Variants in TOP1MT observed in about 807,000 individuals in gnomAD.
TOP1MT encodes DNA topoisomerase I mitochondrial, also known as DNA topoisomerase I, mitochondrial.
A neutral mutation model predicts 73.9 loss-of-function variants in TOP1MT; 80 were observed. That is an observed-to-expected ratio of 1.08 (90% CI 0.90 to 1.30). TOP1MT has a LOEUF of 1.30. Among genes scored for constraint, TOP1MT ranks in the 50% most tolerant of loss-of-function variants. The pLI is 0.00. For synonymous variants in TOP1MT, 338 were observed against 326.4 expected, an observed-to-expected ratio of 1.04 and a Z score of -0.38; for missense variants, 815 against 808.0, an observed-to-expected ratio of 1.01 and a Z score of -0.10.
intron 7 of TOP1MT, among the ~76,000 whole-genome samples, chr8:143,323,443 C>T (rs1226397073): frequency 6.2e-5 from 7 of 112,270 alleles, no homozygotes; most frequent in Admixed American, 8.6e-5. Flanking sequence ...CACACACGCA[C>T]GCCACACGCA....
chr8:143,321,957 G>GCCACACACGCACGCCACACACATGCTCA (rs1816423884), intron 7 of TOP1MT, among the ~76,000 whole-genome samples: 2 of 94,404 alleles, frequency 2.1e-5, no homozygotes, highest in Admixed American at 1.4e-4. Context: ...ACACACGCAC[G>GCCACACACGCACGCCACACACATGCTCA]CCACACACAT....
At chr8:143,337,518 G>A (rs1370435845), upstream of TOP1MT, among the ~76,000 whole-genome samples, 1 of 152,122 alleles carries the variant, frequency 6.6e-6, no homozygotes. Flanking sequence ...AAATTCACAG[G>A]GAAATACAAG....
chr8:143,347,262 C>T (rs1023824421), upstream of TOP1MT, among the ~76,000 whole-genome samples: 1 of 152,212 alleles, frequency 6.6e-6, no homozygotes, highest in Non-Finnish European at 1.5e-5. Flanking sequence ...TCACGCCGTT[C>T]TACTGCCTCA....
intron 7 of TOP1MT, among the ~76,000 whole-genome samples, chr8:143,323,109 C>A (rs1456244511): frequency 7.3e-6 from 1 of 136,530 alleles, no homozygotes; most frequent in Non-Finnish European, 1.6e-5. Flanking sequence ...ACACGCACGC[C>A]ACACATGCAC....
chr8:143,311,052 G>A (rs901224205), intron 12 of TOP1MT, among the ~76,000 whole-genome samples: 2 of 148,088 alleles, frequency 1.4e-5, no homozygotes, highest in Non-Finnish European at 1.5e-5. Flanking sequence ...TCTGCCTCCC[G>A]GGTTCAAGTG....
At chr8:143,322,794 G>GCA (rs199630585) in intron 7 of TOP1MT, among the ~76,000 whole-genome samples, 31 of 24,174 alleles carry the variant, frequency 1.3e-3, no homozygotes, top group African/African-American at 4.4e-3. Context: ...CCACACACAT[G>GCA]CACACACACA....
At chr8:143,353,098 T>C (rs1048649121) in intron 1 of TOP1MT, among the ~76,000 whole-genome samples, 9 of 151,900 alleles carry the variant, frequency 5.9e-5, no homozygotes, top group African/African-American at 2.2e-4. Context: ...AACTCAACGA[T>C]AAAAAACAAA....
upstream of TOP1MT, among the ~76,000 whole-genome samples, chr8:143,336,314 G>A (rs181631160): frequency 7.2e-5 from 11 of 152,254 alleles, no homozygotes; most frequent in Non-Finnish European, 1.6e-4. Flanking sequence ...TTGTAAGAGG[G>A]AGTGTGGCAG....
At chr8:143,349,614 A>G (rs1238110412), upstream of TOP1MT, among the ~76,000 whole-genome samples, 2 of 148,314 alleles carry the variant, frequency 1.3e-5, no homozygotes, top group Non-Finnish European at 3.0e-5. Context: ...CCAATAAAAC[A>G]TTTTGTTTAG....
At chr8:143,331,486 A>C in intron 1 of TOP1MT, 147 bp from the exon 2 acceptor site, 1 of 608,070 alleles carries the variant, frequency 1.6e-6, no homozygotes, top group Non-Finnish European at 2.8e-6. Flanking sequence ...AGGCCTGCAG[A>C]GGGAGGCAAC....
At chr8:143,313,074 G>A (rs1237731382) in intron 12 of TOP1MT, among the ~76,000 whole-genome samples, 2 of 152,170 alleles carry the variant, frequency 1.3e-5, no homozygotes, top group African/African-American at 4.8e-5. Context: ...ATGACCCTGG[G>A]CCCTTCCCTC....
At chr8:143,345,155 A>G (rs2130432419), upstream of TOP1MT, among the ~76,000 whole-genome samples, 1 of 152,302 alleles carries the variant, frequency 6.6e-6, no homozygotes, top group African/African-American at 2.4e-5. Context: ...GAGACTCCCC[A>G]TAGACAGGTC....
At position 143,342,846 on chromosome 8, in the gene TOP1MT, G is replaced by A. The variant is rs147601108; in HGVS notation, c.29+374C>T. The stretch of plus-strand genomic sequence containing the variant: ...GTCACCCAGGCTGGAGTGCAGTGGC[G>A]TGATCTCGGCTCACTGCAACCTCTG... On this transcript the variant is annotated intron_variant, in intron 2 of 5. Transcript: ENST00000518007. Among the ~76,000 whole-genome samples the A allele has an allele frequency of 4.8e-3, 700 of 146,142 alleles. 5 individuals are homozygous for A. Among genetic ancestry groups the A allele is most frequent in the Non-Finnish European group, 6.9e-3 (460 of 67,078 alleles).
At chr8:143,328,365 G>A (rs1012431125) in intron 3 of TOP1MT, 3 of 432,132 alleles carry the variant, frequency 6.9e-6, no homozygotes, top group South Asian at 3.3e-5. Flanking sequence ...CGAGGAATAC[G>A]CAAGCAACTC....
chr8:143,358,202 G>A (rs771050068), upstream of TOP1MT, among the ~76,000 whole-genome samples: 7 of 152,308 alleles, frequency 4.6e-5, no homozygotes, highest in East Asian at 1.3e-3. Context: ...TTCACTTTGA[G>A]CTTCTTTGCA....
upstream of TOP1MT, chr8:143,359,948 C>T (rs1430984519): frequency 4.6e-5 from 7 of 152,232 alleles, no homozygotes; most frequent in African/African-American, 1.7e-4. Context: ...TTCCCCGAGG[C>T]CTGCGCGGAG....
chr8:143,321,318 G>C lies in TOP1MT; in HGVS notation c.1029C>G (p.Leu343=), dbSNP rs1333928804. 1 of 1,611,572 alleles carries C rather than the reference G, an allele frequency of 6.2e-7. No homozygotes were observed. Among genetic ancestry groups the C allele is most frequent in the Non-Finnish European group, 8.5e-7 (1 of 1,178,442 alleles). Reference sequence around the variant, plus strand: ...GGTGCAGCTGGACGTGCTCCACGCGGAGGGAACAGCAGCCCACGGTGTCGG... The same window carrying C: ...GGTGCAGCTGGACGTGCTCCACGCGCAGGGAACAGCAGCCCACGGTGTCGG... ...EAADTVGCCS[L]RVEHVQLHPE... Residue 343 remains leucine, a synonymous_variant, in exon 8 of 14, where the codon CTC becomes CTG. Transcript: ENST00000329245.
At chr8:143,358,763 C>T (rs889457554), upstream of TOP1MT, 1 of 152,170 alleles carries the variant, frequency 6.6e-6, no homozygotes, top group Non-Finnish European at 1.5e-5. Context: ...GACACTGCTG[C>T]ACCTGCGGCT....
At chr8:143,317,172 T>C (rs1480272385) in intron 10 of TOP1MT, among the ~76,000 whole-genome samples, 1 of 152,192 alleles carries the variant, frequency 6.6e-6, no homozygotes, top group Non-Finnish European at 1.5e-5. Context: ...GTGCGTCCAA[T>C]CTGCCCGGAC....
Sources: allele counts gnomAD v4.1 joint callset (sites outside exome capture counted in the v4.1 genomes callset), GRCh38; gene constraint gnomAD v4.1.1; transcripts MANE v1.5; gene names NCBI Gene and HGNC (gene_info 2026-07-23, HGNC 2026-07-21).